The following ERMN variants were observed in gnomAD, a reference collection of about 807,000 sequenced individuals.
ERMN encodes ermin, ERM-like protein.
ERMN carries 17 observed loss-of-function variants against 21.4 expected under a neutral mutation model. The observed-to-expected ratio is 0.80, with a 90% confidence interval of 0.54 to 1.19. The LOEUF (loss-of-function observed/expected upper bound fraction) is 1.19, where lower values mean the gene tolerates loss of function less well. ERMN is among the 50% of genes most tolerant of loss of function. The pLI, the probability that ERMN is intolerant of heterozygous loss-of-function variation, is 0.00. For missense variants in ERMN, 348 were observed against 331.6 expected (o/e 1.05, Z -0.38); for synonymous variants, 115 against 111.9 (o/e 1.03, Z -0.17).
chr2:157,321,750 C>T lies in ERMN; in HGVS notation c.376G>A (p.Glu126Lys). The T allele has an allele frequency of 6.2e-7, 1 of 1,612,918 alleles. No homozygotes were observed. The highest frequency in any genetic ancestry group is 1.1e-5 in the South Asian group (1 of 90,982). Residue 126 changes from glutamate to lysine, a missense_variant, in exon 3 of 3, where the codon GAA becomes AAA. Transcript: ENST00000410096. The part of the protein sequence containing the change: ...EKIPLSGSNQ[E>K]IRRQKERITE... ...ATCCTCTCCTTCTGTCTTCTTATTTCCTGGTTACTGCCACTCAGAGGAATC... is the reference window on the plus strand; with the variant it reads ...ATCCTCTCCTTCTGTCTTCTTATTTTCTGGTTACTGCCACTCAGAGGAATC...
rs1196562785 is a variant in ERMN at position 157,319,865 on chromosome 2, G to A, written c.*1406C>T. 1 of 152,130 alleles carries A rather than the reference G, an allele frequency of 6.6e-6. No homozygotes were observed. Among genetic ancestry groups the A allele is most frequent in the South Asian group, 2.1e-4 (1 of 4,830 alleles). 9.4% of individuals were successfully genotyped at this position (152,130 alleles called of 1,614,324 possible). A position where few individuals can be genotyped will look rare whatever the true frequency, so the allele number is the denominator to read the frequency against. On this transcript the variant is annotated 3_prime_UTR_variant, in exon 3 of 3. Transcript: ENST00000410096. ...GGAAGGATTAAAGAAGTTGTCATTA[G>A]AATATGTGGGATTTATGTTACACAT...
At position 157,319,074 on chromosome 2, in the gene ERMN, A is replaced by T. The variant is rs748173072; in HGVS notation, c.*2197T>A. 5 of 152,202 alleles carry T rather than the reference A, an allele frequency of 3.3e-5. No homozygotes were observed. The highest frequency in any genetic ancestry group is 7.3e-5 in the Non-Finnish European group (5 of 68,054). 9.4% of individuals were successfully genotyped at this position (152,202 alleles called of 1,614,324 possible). ...CCAACCATCACCATTATGTTACCTG[A>T]GGTCACTTAACTCTGTGGCTTTCAA... On this transcript the variant is annotated 3_prime_UTR_variant, in exon 3 of 3. Transcript: ENST00000410096.
chr2:157,327,460 G>C (rs368866948), upstream of ERMN: 1 of 779,854 alleles, frequency 1.3e-6, no homozygotes, highest in African/African-American at 1.7e-5. Flanking sequence ...CTCATAAATA[G>C]TAATACACTT....
rs186079202 is a variant in ERMN, at chr2:157,319,853, A to C, written c.*1418T>G. ...AATATATGACCCGGAAGGATTAAAG[A>C]AGTTGTCATTAGAATATGTGGGATT... is the stretch of plus-strand genomic sequence containing the variant. On this transcript the variant is annotated 3_prime_UTR_variant, in exon 3 of 3. Transcript: ENST00000410096. 1.3e-5 allele frequency: 2 copies of C among 152,330 alleles called. No individual in the cohort carries two copies. Among genetic ancestry groups the C allele is most frequent in the African/African-American group, 4.8e-5 (2 of 41,582 alleles). The allele number at this position is 152,330 out of a possible 1,614,324, so 9.4% of individuals were successfully genotyped here.
upstream of ERMN, chr2:157,327,666 A>T (rs1358776563): frequency 3.5e-6 from 2 of 577,458 alleles, no homozygotes; most frequent in Admixed American, 3.0e-5. Flanking sequence ...TGGACCAGAG[A>T]TCCCACAGGG....
chr2:157,322,939 G>T (rs971506687), intron 2 of ERMN, among the ~76,000 whole-genome samples: 9 of 152,206 alleles, frequency 5.9e-5, no homozygotes, highest in African/African-American at 2.2e-4. Flanking sequence ...CCATGAGATT[G>T]TCACATATAA....
chr2:157,324,613 A>T (rs769576913), intron 2 of ERMN, 57 bp downstream of exon 2: 1 of 1,331,930 alleles, frequency 7.5e-7, no homozygotes, highest in Non-Finnish European at 1.1e-6. Flanking sequence ...TCATGGAAAG[A>T]CTGTCATCCA....
In ERMN at chr2:157,324,767, GA is replaced by G. The variant is rs958634593; in HGVS notation, c.242-6del. 9 of 1,583,690 alleles carry G rather than the reference GA, an allele frequency of 5.7e-6. No individual in the cohort carries two copies. Among genetic ancestry groups the G allele is most frequent in the African/African-American group, 2.7e-5 (2 of 73,504 alleles). On this transcript the variant is annotated splice_region_variant and splice_polypyrimidine_tract_variant and intron_variant, in intron 1 of 2. Coordinates refer to ENST00000410096, the MANE Select transcript of ERMN (RefSeq NM_020711.3). ...AGAGTTTCTCTTCTGGGTTTTCTAG[GA>G]AAAAAATATAAAATCAGTATTTTAA...
intron 2 of ERMN, among the ~76,000 whole-genome samples, chr2:157,323,291 T>C (rs934356732): frequency 2.6e-5 from 4 of 152,238 alleles, no homozygotes; most frequent in African/African-American, 9.6e-5. Flanking sequence ...GTTGAGATTC[T>C]GCCTCTGAGA....
At position 157,325,573 on chromosome 2, in the gene ERMN, G is replaced by T. The variant is rs377472513; in HGVS notation, c.70C>A (p.Gln24Lys). The T allele has an allele frequency of 6.8e-5, 110 of 1,614,126 alleles. No homozygotes were observed. The highest frequency in any genetic ancestry group is 2.9e-4 in the African/African-American group (22 of 75,012). The change falls in exon 1 of 3, where the codon CAA (glutamine) becomes AAA (lysine). Residue 24 changes from glutamine (Q) to lysine (K), a missense_variant. Physicochemically the swap from Gln to Lys is moderately conservative, Grantham distance 53 (BLOSUM62 1). Coordinates refer to ENST00000410096, the MANE Select transcript of ERMN (RefSeq NM_020711.3). ...NGDKPPENGQ[Q>K]TITKISEELT... is the part of the protein sequence containing the mutation. ...TCCTCACTGATTTTAGTGATTGTTTGTTGACCGTTTTCAGGTGGTTTATCC... is the reference window on the plus strand; with the variant it reads ...TCCTCACTGATTTTAGTGATTGTTTTTTGACCGTTTTCAGGTGGTTTATCC...
At position 157,321,420 on chromosome 2, in the gene ERMN, C is replaced by T. The variant is rs1323087193; in HGVS notation, c.706G>A (p.Val236Met). 3 of 1,614,016 alleles carry T rather than the reference C, an allele frequency of 1.9e-6. No homozygotes were observed. Among genetic ancestry groups the T allele is most frequent in the Non-Finnish European group, 2.5e-6 (3 of 1,180,006 alleles). ...AAGGTTGGCTGCTCATCAGGTGTCA[C>T]AGCTTGGGAACTGGCACTGCTCAGT... ...SPLSSASSQAVTPDEQPTLGK... is the reference protein window; with the variant it reads ...SPLSSASSQAMTPDEQPTLGK... Residue 236 changes from valine (V) to methionine (M), a missense_variant, in exon 3 of 3, where the codon GTG becomes ATG. Coordinates refer to ENST00000410096, the MANE Select transcript of ERMN (RefSeq NM_020711.3).
chr2:157,326,276 A>C (rs1183987549), upstream of ERMN, among the ~76,000 whole-genome samples: 1 of 152,246 alleles, frequency 6.6e-6, no homozygotes, highest in Non-Finnish European at 1.5e-5. Context: ...TAAACAGGAC[A>C]ACTTTACTGT....
upstream of ERMN, among the ~76,000 whole-genome samples, chr2:157,326,457 G>A (rs983541413): frequency 3.3e-5 from 5 of 152,060 alleles, no homozygotes; most frequent in African/African-American, 1.2e-4. Context: ...AAGCCCAGCC[G>A]ATCCTTTAAA....
In ERMN at chr2:157,325,453, A is replaced by G. The variant is rs773749625; in HGVS notation, c.190T>C (p.Leu64=). The G allele has an allele frequency of 1.2e-6, 2 of 1,613,976 alleles. No homozygotes were observed. The highest frequency in any genetic ancestry group is 1.3e-5 in the African/African-American group (1 of 74,984). ...GAGTTGAGCAGCATGTTCCCTTGTA[A>G]TTTTCTTCTTTCCTCCTGACTTCCT... ...TKGSQEERRK[L]QGNMLLNSSM... is the part of the protein sequence containing the mutation. The change falls in exon 1 of 3, where the codon TTA becomes CTA. Residue 64 remains leucine (L), a synonymous_variant. Transcript: ENST00000410096.
upstream of ERMN, among the ~76,000 whole-genome samples, chr2:157,326,502 T>G (rs1267518096): frequency 1.3e-5 from 2 of 152,194 alleles, no homozygotes; most frequent in African/African-American, 4.8e-5. Flanking sequence ...AGGTTTCTCC[T>G]CCCCCAATCA....
At chr2:157,327,427 G>T (rs917721466), upstream of ERMN, 5 of 776,902 alleles carry the variant, frequency 6.4e-6, no homozygotes, top group Non-Finnish European at 1.2e-5. Flanking sequence ...CACTTATTAT[G>T]TGCAAGCTAC....
intron 1 of ERMN, chr2:157,325,187 C>T: frequency 1.4e-6 from 1 of 699,056 alleles, no homozygotes; most frequent in Non-Finnish European, 2.6e-6. Flanking sequence ...AAAACTCAGG[C>T]TTCGGGAGAC....
rs1212133132 is a variant in ERMN at position 157,321,119 on chromosome 2, G to T, written c.*152C>A. 1.7e-6 allele frequency: 2 copies of T among 1,159,726 alleles called. No individual in the cohort carries two copies. Among genetic ancestry groups the T allele is most frequent in the South Asian group, 1.7e-5 (1 of 59,122 alleles). The allele number at this position is 1,159,726 out of a possible 1,614,324, so 71.8% of individuals were successfully genotyped here. On this transcript the variant is annotated 3_prime_UTR_variant, in exon 3 of 3. Transcript: ENST00000410096. ...GTTATCAGACTGAATTTTTATCTAG[G>T]GTTATTTCCACATTATTCTACAGTG... is the stretch of plus-strand genomic sequence containing the variant.
chr2:157,321,823 G>T, intron 2 of ERMN, 32 bp from the exon 3 acceptor site: 1 of 1,540,576 alleles, frequency 6.5e-7, no homozygotes. Context: ...GATGAGATGT[G>T]TAGAGATTCC....
Sources: gnomAD v4.1 joint callset for allele counts (sites outside exome capture counted in the v4.1 genomes callset) on GRCh38, gnomAD v4.1.1 for gene constraint, MANE v1.5 for transcripts, NCBI Gene and HGNC (gene_info 2026-07-23, HGNC 2026-07-21) for gene names.